Variants in MGAT4C observed in about 807,000 individuals in gnomAD.
MGAT4C encodes MGAT4 family member C, also known as alpha-1,3-mannosyl-glycoprotein 4-beta-N-acetylglucosaminyltransferase C.
MGAT4C carries 19 observed loss-of-function variants against 40.1 expected under a neutral mutation model. The observed-to-expected ratio is 0.47, with a 90% CI of 0.33 to 0.70. The LOEUF (loss-of-function observed/expected upper bound fraction) is 0.70, where lower values mean the gene tolerates loss of function less well. MGAT4C is among the 30% of genes least tolerant of loss of function. MGAT4C has a pLI of 0.02. For missense variants in MGAT4C, 491 were observed against 563.2 expected (o/e 0.87, Z 1.30); for synonymous variants, 181 against 187.1 (o/e 0.97, Z 0.27).
chr12:86,829,898 T>G (rs982585963), intron 1 of MGAT4C, among the ~76,000 whole-genome samples: 1 of 150,020 alleles, frequency 6.7e-6, no homozygotes, highest in Non-Finnish European at 1.5e-5. Flanking sequence ...TGAAGGGAAA[T>G]TACAAGGCAT....
chr12:86,059,802 A>C (rs1893759286), intron 1 of MGAT4C, among the ~76,000 whole-genome samples: 1 of 152,154 alleles, frequency 6.6e-6, no homozygotes, highest in Non-Finnish European at 1.5e-5. Context: ...TGTATCAAGA[A>C]CACCAGAGCA....
intron 1 of MGAT4C, among the ~76,000 whole-genome samples, chr12:86,827,505 T>C (rs184505963): frequency 6.6e-6 from 1 of 151,566 alleles, no homozygotes; most frequent in Admixed American, 6.6e-5. Flanking sequence ...AGTATACTTG[T>C]AGATTTAGAT....
intron 2 of MGAT4C, among the ~76,000 whole-genome samples, chr12:86,008,819 T>C (rs1888161815): frequency 6.6e-6 from 1 of 152,124 alleles, no homozygotes; most frequent in East Asian, 1.9e-4. Context: ...TGAGAATAAG[T>C]GTGGAATTTT....
At chr12:86,383,198 A>G (rs913832502) in intron 3 of MGAT4C, among the ~76,000 whole-genome samples, 2 of 152,198 alleles carry the variant, frequency 1.3e-5, no homozygotes, top group African/African-American at 4.8e-5. Context: ...CATCCCCTGC[A>G]TCAGCGTGAC....
intron 2 of MGAT4C, among the ~76,000 whole-genome samples, chr12:86,549,332 T>C (rs1038040821): frequency 3.9e-5 from 6 of 152,146 alleles, no homozygotes; most frequent in Admixed American, 1.3e-4. Context: ...ACTGCCAATG[T>C]TTCATCAGAA....
chr12:86,282,337 C>G (rs1202981946), intron 4 of MGAT4C, among the ~76,000 whole-genome samples: 23 of 152,028 alleles, frequency 1.5e-4, no homozygotes, highest in Admixed American at 1.5e-3. Flanking sequence ...ATTTCTTATA[C>G]AATATTCTAT....
At chr12:86,168,395 TCA>T (rs1379601741) in intron 1 of MGAT4C, among the ~76,000 whole-genome samples, 1 of 152,194 alleles carries the variant, frequency 6.6e-6, no homozygotes, top group Non-Finnish European at 1.5e-5. Context: ...AGCATTTTTT[TCA>T]GTTACCATAA....
intron 2 of MGAT4C, among the ~76,000 whole-genome samples, chr12:86,438,359 C>T (rs1028491621): frequency 5.3e-5 from 8 of 151,766 alleles, no homozygotes; most frequent in Non-Finnish European, 7.4e-5. Context: ...AGCAGAGGTT[C>T]GTTTATGATA....
At chr12:85,986,779 AAG>A (rs1172304329) in intron 3 of MGAT4C, among the ~76,000 whole-genome samples, 4 of 152,200 alleles carry the variant, frequency 2.6e-5, no homozygotes, top group Non-Finnish European at 4.4e-5. Context: ...TTTATTAAAA[AAG>A]AAATAAACAC....
intron 4 of MGAT4C, among the ~76,000 whole-genome samples, chr12:85,981,098 T>C (rs566282810): frequency 1.3e-5 from 2 of 152,164 alleles, no homozygotes; most frequent in Non-Finnish European, 2.9e-5. Context: ...AAAACTTTAA[T>C]GCTACATTGT....
At position 85,977,070 on chromosome 12, in the gene MGAT4C, CCT is replaced by C. The variant is rs1592585751; in HGVS notation, c.*2217_*2218del. On this transcript the variant is annotated 3_prime_UTR_variant, in exon 5 of 5. Transcript: ENST00000611864. ...GATATAAAGATAAAATGTGAAATGA[CCT>C]CTCTGAGTCACATTTGTTTTCATAA... 6.6e-6 allele frequency: 1 copy of C among 151,326 alleles called. No individual in the cohort carries two copies. The highest frequency in any genetic ancestry group is 2.1e-4 in the South Asian group (1 of 4,824). The allele number at this position is 151,326 out of a possible 1,614,324, so 9.4% of individuals were successfully genotyped here. A position where few individuals can be genotyped will look rare whatever the true frequency, so the allele number is the denominator to read the frequency against.
intron 2 of MGAT4C, among the ~76,000 whole-genome samples, chr12:86,036,481 T>G (rs554676744): frequency 6.7e-6 from 1 of 150,202 alleles, no homozygotes; most frequent in South Asian, 2.1e-4. Context: ...CATCAATACC[T>G]AGTTTATTGG....
At chr12:86,221,394 C>A (rs987008014) in intron 1 of MGAT4C, among the ~76,000 whole-genome samples, 2 of 152,096 alleles carry the variant, frequency 1.3e-5, no homozygotes, top group Non-Finnish European at 2.9e-5. Flanking sequence ...AAGAATCATT[C>A]TTTATGTCAT....
At chr12:86,707,444 C>A (rs1256400504) in intron 2 of MGAT4C, among the ~76,000 whole-genome samples, 1 of 151,734 alleles carries the variant, frequency 6.6e-6, no homozygotes, top group Admixed American at 6.6e-5. Context: ...ACACTGACAG[C>A]ATTTTGGCTC....
intron 2 of MGAT4C, among the ~76,000 whole-genome samples, chr12:86,555,260 C>T (rs1018226654): frequency 3.3e-5 from 5 of 152,010 alleles, no homozygotes; most frequent in African/African-American, 9.7e-5. Context: ...TTTCTGTATA[C>T]CACAGTGTCC....
At chr12:86,465,321 G>A (rs2136298992) in intron 2 of MGAT4C, among the ~76,000 whole-genome samples, 1 of 152,188 alleles carries the variant, frequency 6.6e-6, no homozygotes, top group Non-Finnish European at 1.5e-5. Flanking sequence ...GTATGGTGAT[G>A]ACTTTTTAGA....
intron 1 of MGAT4C, among the ~76,000 whole-genome samples, chr12:86,811,689 T>C (rs915856252): frequency 3.3e-5 from 5 of 151,526 alleles, no homozygotes; most frequent in Non-Finnish European, 7.4e-5. Flanking sequence ...ATCCCCAATT[T>C]CATTTCTCAT....
chr12:86,535,987 A>G (rs1268952316), intron 2 of MGAT4C, among the ~76,000 whole-genome samples: 1 of 152,076 alleles, frequency 6.6e-6, no homozygotes, highest in Non-Finnish European at 1.5e-5. Flanking sequence ...TATCTACTTA[A>G]TTAAATGTAA....
At chr12:86,624,531 C>T (rs937168767) in intron 2 of MGAT4C, among the ~76,000 whole-genome samples, 5 of 152,076 alleles carry the variant, frequency 3.3e-5, no homozygotes, top group African/African-American at 9.7e-5. Context: ...GAAGTGGAAA[C>T]GTCAATGGTC....
Sources: gnomAD v4.1 joint callset for allele counts (sites outside exome capture counted in the v4.1 genomes callset) on GRCh38, gnomAD v4.1.1 for gene constraint, MANE v1.5 for transcripts, NCBI Gene and HGNC (gene_info 2026-07-23, HGNC 2026-07-21) for gene names.